Variants in ASB5 observed in about 807,000 individuals in gnomAD.
ASB5 encodes the protein ankyrin repeat and SOCS box containing 5.
In ASB5, 45 loss-of-function variants were observed where a neutral mutation model predicts 42.1. That is an observed-to-expected ratio of 1.07 (90% CI 0.84 to 1.37). The LOEUF (loss-of-function observed/expected upper bound fraction) is 1.37. Among genes scored for constraint, ASB5 ranks in the 40% most tolerant of loss-of-function variants. The probability of loss-of-function intolerance (pLI) is 0.00; values close to 1 mark genes in which losing one functional copy is unlikely to be tolerated. For missense variants in ASB5, 402 were observed against 399.8 expected, an observed-to-expected ratio of 1.01 and a Z score of -0.05; for synonymous variants, 147 against 150.6, an observed-to-expected ratio of 0.98 and a Z score of 0.18.
intron 6 of ASB5, among the ~76,000 whole-genome samples, chr4:176,216,385 T>C (rs1284964605): frequency 1.3e-5 from 2 of 152,162 alleles, no homozygotes; most frequent in Non-Finnish European, 2.9e-5. Flanking sequence ...GGAGTCTCAC[T>C]CTGTTGCCAG....
chr4:176,245,272 T>C (rs1753887658), intron 1 of ASB5, among the ~76,000 whole-genome samples: 1 of 152,180 alleles, frequency 6.6e-6, no homozygotes, highest in African/African-American at 2.4e-5. Context: ...AAGACATTTA[T>C]GCAGCCAACA....
chr4:176,226,997 G>A (rs575068980), intron 1 of ASB5, among the ~76,000 whole-genome samples: 2 of 152,326 alleles, frequency 1.3e-5, no homozygotes, highest in South Asian at 4.1e-4. Context: ...CACCATTGTG[G>A]TAAGGAAAGA....
intron 2 of ASB5, among the ~76,000 whole-genome samples, chr4:176,224,584 G>A (rs978861527): frequency 1.5e-4 from 23 of 151,146 alleles, no homozygotes; most frequent in Non-Finnish European, 1.8e-4. Flanking sequence ...TGTTGGCCAG[G>A]CTGGTCTCGA....
At position 176,217,511 on chromosome 4, in the gene ASB5, T is replaced by A. The variant is rs1753006130; in HGVS notation, c.671-502A>T. ...CTCATGAATATGTGAGCTATTTAGGTAAAATGTATATAGATTTTCCTGCCA... is the reference window on the plus strand; with the variant it reads ...CTCATGAATATGTGAGCTATTTAGGAAAAATGTATATAGATTTTCCTGCCA... On this transcript the variant is annotated intron_variant, in intron 5 of 6. Transcript: ENST00000296525. 1.3e-5 allele frequency among the ~76,000 whole-genome samples: 2 copies of A among 152,092 alleles called. 1 individual carries two copies. Among genetic ancestry groups the A allele is most frequent in the Admixed American group, 1.3e-4 (2 of 15,236 alleles).
chr4:176,276,544 C>A (rs1327188135), intron 1 of ASB5, among the ~76,000 whole-genome samples: 1 of 152,194 alleles, frequency 6.6e-6, no homozygotes, highest in Non-Finnish European at 1.5e-5. Flanking sequence ...ATGTACACAT[C>A]ACAAATATTC....
At chr4:176,239,067 C>A (rs941113280) in intron 1 of ASB5, among the ~76,000 whole-genome samples, 11 of 152,256 alleles carry the variant, frequency 7.2e-5, no homozygotes, top group Non-Finnish European at 1.2e-4. Context: ...TAGATATTCC[C>A]AATGAAACTG....
At chr4:176,275,011 T>A (rs755531770) in intron 2 of ASB5, among the ~76,000 whole-genome samples, 2 of 148,254 alleles carry the variant, frequency 1.3e-5, no homozygotes, top group Non-Finnish European at 3.0e-5. Context: ...ATCTCCCAGG[T>A]TCAAGCGATT....
rs187751829 is a variant in ASB5 at position 176,265,013 on chromosome 4, C to T, written c.196+3900G>A. ...TGGTCAACTTATTTCAAATCTCTCT[C>T]GTCCAACTCCAAAGAATATTACTAT... On this transcript the variant is annotated intron_variant, in intron 1 of 6. Transcript: ENST00000296525. Among the ~76,000 whole-genome samples, 30 of 152,250 alleles carry T rather than the reference C, an allele frequency of 2.0e-4. No homozygotes were observed. In the South Asian group the frequency reaches 5.4e-3, roughly 27 times the overall value.
At position 176,238,018 on chromosome 4, in the gene ASB5, TA is replaced by T. The variant is rs1274724054; in HGVS notation, c.197-12678del. Among the ~76,000 whole-genome samples the T allele has an allele frequency of 2.0e-5, 3 of 152,078 alleles. No individual in the cohort carries two copies. In the East Asian group the frequency reaches 5.8e-4, roughly 29 times the overall value. ...AGGCAGATCACCTGAGGTCAGGGGT[TA>T]GAGACCAGCCTGGCCAACGTGGTGA... On this transcript the variant is annotated intron_variant, in intron 1 of 6. Transcript: ENST00000296525.
At chr4:176,255,236 G>A (rs948196664) in intron 1 of ASB5, among the ~76,000 whole-genome samples, 4 of 152,212 alleles carry the variant, frequency 2.6e-5, no homozygotes, top group African/African-American at 9.6e-5. Context: ...GGAAGCTGCG[G>A]AGAAATGGGA....
chr4:176,263,258 T>G (rs919482323), intron 1 of ASB5, among the ~76,000 whole-genome samples: 3 of 152,164 alleles, frequency 2.0e-5, no homozygotes, highest in East Asian at 1.9e-4. Flanking sequence ...ACCAGAATCA[T>G]GAGCTAAATA....
chr4:176,249,647 C>A (rs962776368), intron 1 of ASB5: 13 of 152,178 alleles, frequency 8.5e-5, no homozygotes, highest in Non-Finnish European at 1.9e-4. Flanking sequence ...TAGGAAATTT[C>A]TCCTCATATG....
At chr4:176,269,975 T>TGG (rs1553964222), upstream of ASB5, among the ~76,000 whole-genome samples, 1 of 152,226 alleles carries the variant, frequency 6.6e-6, no homozygotes, top group Non-Finnish European at 1.5e-5. Context: ...TCATCAAGAC[T>TGG]GTCCAAAACC....
intron 2 of ASB5, among the ~76,000 whole-genome samples, chr4:176,224,168 C>T (rs188179847): frequency 1.3e-4 from 19 of 150,694 alleles, no homozygotes; most frequent in African/African-American, 3.6e-4. Flanking sequence ...TGTTCTTTCT[C>T]CTTGAGACTG....
At chr4:176,217,206 T>C (rs776005025) in intron 5 of ASB5, among the ~76,000 whole-genome samples, 197 bp from the exon 6 acceptor site, 2 of 152,194 alleles carry the variant, frequency 1.3e-5, no homozygotes, top group Non-Finnish European at 2.9e-5. Context: ...CATATACATA[T>C]ATATAAACTG....
chr4:176,240,424 G>C (rs1753787538), intron 1 of ASB5, among the ~76,000 whole-genome samples: 1 of 152,152 alleles, frequency 6.6e-6, no homozygotes, highest in Admixed American at 6.5e-5. Context: ...ACCTGTGTCT[G>C]GTTTGGTCAC....
intron 5 of ASB5, among the ~76,000 whole-genome samples, chr4:176,217,787 T>G (rs1457075522): frequency 6.6e-6 from 1 of 152,048 alleles, no homozygotes; most frequent in Admixed American, 6.6e-5. Flanking sequence ...CATCCCATTT[T>G]CTGGTACATA....
chr4:176,223,969 A>G (rs927304637), intron 2 of ASB5, among the ~76,000 whole-genome samples: 1 of 152,100 alleles, frequency 6.6e-6, no homozygotes, highest in East Asian at 1.9e-4. Flanking sequence ...GAACAAAACA[A>G]AACAGTCACA....
In ASB5 at chr4:176,221,457, G is replaced by C; in HGVS notation, c.528C>G (p.Ala176=). 6.2e-7 allele frequency: 1 copy of C among 1,612,848 alleles called. No individual in the cohort carries two copies. The highest frequency in any genetic ancestry group is 8.5e-7 in the Non-Finnish European group (1 of 1,179,656). ...SCLPSPTHEA[A]SKGHHECLDI... ...ATCCCAGAACTAAGTTACCTTTACTGGCGGCCTCATGCGTTGGGGATGGAA... is the reference window on the plus strand; with the variant it reads ...ATCCCAGAACTAAGTTACCTTTACTCGCGGCCTCATGCGTTGGGGATGGAA... Residue 176 remains alanine, a synonymous_variant, in exon 4 of 7, where the codon GCC becomes GCG. Transcript: ENST00000296525.
Sources: gnomAD v4.1 joint callset for allele counts (sites outside exome capture counted in the v4.1 genomes callset) on GRCh38, gnomAD v4.1.1 for gene constraint, MANE v1.5 for transcripts, NCBI Gene and HGNC (gene_info 2026-07-23, HGNC 2026-07-21) for gene names.